The following NBPF3 variants were observed in gnomAD, a reference collection of about 807,000 sequenced individuals.
The protein encoded by NBPF3 is NBPF member 3.
Under a neutral mutation model 78.1 loss-of-function variants are expected in NBPF3, and 57 were observed. The observed-to-expected ratio is 0.73, with a 90% confidence interval of 0.59 to 0.91. The LOEUF is 0.91. NBPF3 is among the 40% of genes least tolerant of loss of function. The pLI, the probability that NBPF3 is intolerant of heterozygous loss-of-function variation, is 0.00. For synonymous variants in NBPF3, 182 were observed against 271.7 expected (o/e 0.67, Z 3.25); for missense variants, 510 against 715.3 (o/e 0.71, Z 3.27).
intron 2 of NBPF3, among the ~76,000 whole-genome samples, chr1:21,447,135 G>A (rs1641034388): frequency 6.6e-6 from 1 of 152,166 alleles, no homozygotes. Flanking sequence ...CTAGGTTTGT[G>A]GAAAACTTGA....
At chr1:21,466,116 T>A (rs1213804295) in intron 2 of NBPF3, 5 of 985,384 alleles carry the variant, frequency 5.1e-6, no homozygotes, top group Non-Finnish European at 6.0e-6. Flanking sequence ...GAATCACTGA[T>A]GGAATCGGAC....
intron 2 of NBPF3, among the ~76,000 whole-genome samples, chr1:21,465,877 CA>C (rs1252665532): frequency 6.6e-6 from 1 of 152,202 alleles, no homozygotes; most frequent in Non-Finnish European, 1.5e-5. Context: ...AGAAATTTAG[CA>C]AGTTCTTTCA....
At chr1:21,458,967 C>G (rs1558486248) in intron 2 of NBPF3, among the ~76,000 whole-genome samples, 1 of 152,082 alleles carries the variant, frequency 6.6e-6, no homozygotes, top group Non-Finnish European at 1.5e-5. Flanking sequence ...CAATTAGCAG[C>G]TAGAAAATGA....
upstream of NBPF3, among the ~76,000 whole-genome samples, chr1:21,438,449 C>T (rs191361430): frequency 1.3e-3 from 202 of 152,256 alleles, 1 homozygote; most frequent in South Asian, 0.014. Flanking sequence ...TTCTCCATGC[C>T]TCATTTTTCT....
At chr1:21,456,924 T>C (rs2147937329) in intron 2 of NBPF3, among the ~76,000 whole-genome samples, 1 of 152,334 alleles carries the variant, frequency 6.6e-6, no homozygotes, top group South Asian at 2.1e-4. Context: ...GAATTGAGGC[T>C]GTCTTTATTC....
At chr1:21,452,976 T>G (rs1193673870) in intron 2 of NBPF3, among the ~76,000 whole-genome samples, 1 of 152,218 alleles carries the variant, frequency 6.6e-6, no homozygotes, top group Non-Finnish European at 1.5e-5. Context: ...TGCTGAGCTT[T>G]TTTTTCTGAA....
chr1:21,448,101 G>C lies in NBPF3; in HGVS notation c.133+2882G>C, dbSNP rs193104166. 6.5e-3 allele frequency among the ~76,000 whole-genome samples: 993 copies of C among 151,844 alleles called. 5 individuals are homozygous for C. The highest frequency in any genetic ancestry group is 0.01 in the Non-Finnish European group (691 of 67,948). On this transcript the variant is annotated intron_variant, in intron 2 of 14. Coordinates refer to ENST00000318249, the MANE Select transcript of NBPF3 (RefSeq NM_032264.6). ...TGTGACTTGCTTTTTCCATTCTCTT[G>C]ACAGTGTCTTTCACAGAGCAGAAGT...
At chr1:21,471,503 G>A (rs2004380) in intron 4 of NBPF3, 66 bp from the exon 5 acceptor site, 850,894 of 1,607,222 alleles carry the variant, frequency 0.53, 230,444 homozygotes, top group Middle Eastern at 0.59. Flanking sequence ...AATCTGTGTT[G>A]CAAAATATTA....
At chr1:21,470,474 T>C (rs529279783) in intron 3 of NBPF3, among the ~76,000 whole-genome samples, 158 bp from the exon 4 acceptor site, 1 of 152,282 alleles carries the variant, frequency 6.6e-6, no homozygotes, top group Admixed American at 6.5e-5. Flanking sequence ...TGCCAGTAAG[T>C]CGGGAGACTG....
upstream of NBPF3, among the ~76,000 whole-genome samples, chr1:21,438,487 A>G (rs1468719229): frequency 6.6e-6 from 1 of 152,238 alleles, no homozygotes; most frequent in Non-Finnish European, 1.5e-5. Context: ...AAGTAATGAT[A>G]CTTAAAAATG....
At chr1:21,472,763 T>A in intron 5 of NBPF3, 80 bp from the exon 6 acceptor site, 1 of 979,594 alleles carries the variant, frequency 1.0e-6, no homozygotes, top group Non-Finnish European at 1.7e-6. Flanking sequence ...TAGATGTTCA[T>A]GTCTGTGTGC....
intron 7 of NBPF3, among the ~76,000 whole-genome samples, chr1:21,474,170 G>C (rs935934259): frequency 6.6e-6 from 1 of 151,796 alleles, no homozygotes; most frequent in African/African-American, 2.4e-5. Flanking sequence ...TAGCATCATA[G>C]ATTCTCTCTC....
At chr1:21,464,007 CTA>C (rs1210499999) in intron 2 of NBPF3, among the ~76,000 whole-genome samples, 1 of 152,194 alleles carries the variant, frequency 6.6e-6, no homozygotes, top group African/African-American at 2.4e-5. Flanking sequence ...TATTGGGAAT[CTA>C]AAATGATGTA....
At chr1:21,458,677 C>T (rs878972510) in intron 2 of NBPF3, among the ~76,000 whole-genome samples, 2 of 152,218 alleles carry the variant, frequency 1.3e-5, no homozygotes, top group South Asian at 2.1e-4. Flanking sequence ...CAAAAGAATA[C>T]GGGTACAATT....
chr1:21,468,887 AAATAATTAC>A lies in NBPF3; in HGVS notation c.334_342del (p.Asn112_Tyr114del). 6.2e-7 allele frequency: 1 copy of A among 1,613,614 alleles called. No homozygotes were observed. Among genetic ancestry groups the A allele is most frequent in the Non-Finnish European group, 8.5e-7 (1 of 1,179,532 alleles). On this transcript the variant is annotated inframe_deletion and splice_region_variant, in exon 3 of 15. Coordinates refer to ENST00000318249, the MANE Select transcript of NBPF3 (RefSeq NM_032264.6). ...TGGCCTACTTCCTGGCCAACCGGCA[AAATAATTAC>A]GGTAAGTTCTATAGGCTCACCATCA...
chr1:21,449,411 A>T (rs10916994), intron 2 of NBPF3, among the ~76,000 whole-genome samples: 7,068 of 152,190 alleles, frequency 0.046, 417 homozygotes, highest in African/African-American at 0.14. Context: ...GAAAATCGAG[A>T]TGATACATTT....
chr1:21,475,980 G>C (rs1358018295), intron 8 of NBPF3, among the ~76,000 whole-genome samples: 1 of 152,134 alleles, frequency 6.6e-6, no homozygotes, highest in Non-Finnish European at 1.5e-5. Context: ...TGTACATTTA[G>C]GATAGTTAGC....
At chr1:21,462,113 A>T (rs1429694106) in intron 2 of NBPF3, among the ~76,000 whole-genome samples, 1 of 152,046 alleles carries the variant, frequency 6.6e-6, no homozygotes, top group Non-Finnish European at 1.5e-5. Flanking sequence ...AAGCAGCCTC[A>T]GGCCCTCATT....
At chr1:21,446,740 G>GAGCTCATA (rs1482494965) in intron 2 of NBPF3, among the ~76,000 whole-genome samples, 1 of 151,878 alleles carries the variant, frequency 6.6e-6, no homozygotes, top group Non-Finnish European at 1.5e-5. Context: ...TGCAGGCAGA[G>GAGCTCATA]AGCTCATCCA....
Sources: allele counts gnomAD v4.1 joint callset (sites outside exome capture counted in the v4.1 genomes callset), GRCh38; gene constraint gnomAD v4.1.1; transcripts MANE v1.5; gene names NCBI Gene and HGNC (gene_info 2026-07-23, HGNC 2026-07-21).